Variants in PKN2 observed in about 807,000 individuals in gnomAD.
PKN2 encodes serine/threonine-protein kinase N2.
In PKN2, 38 loss-of-function variants were observed where a neutral mutation model predicts 119.1. The ratio of observed to expected loss-of-function variants is 0.32; its 90% CI spans 0.25 to 0.42. The LOEUF is 0.42. Among genes scored for constraint, PKN2 ranks in the 10% least tolerant of loss-of-function variants. The pLI is 1.00. For missense variants in PKN2, 850 were observed against 1,165.1 expected (o/e 0.73, Z 3.94); for synonymous variants, 390 against 384.9 (o/e 1.01, Z -0.15).
At chr1:88,702,448 C>T (rs1398874075) in intron 1 of PKN2, among the ~76,000 whole-genome samples, 1 of 152,086 alleles carries the variant, frequency 6.6e-6, no homozygotes, top group East Asian at 1.9e-4. Flanking sequence ...CATACTTTGA[C>T]AGGCAAATTA....
At position 88,750,871 on chromosome 1, in the gene PKN2, A is replaced by G. The variant is rs200823917; in HGVS notation, c.350-9351A>G. 4.6e-5 allele frequency among the ~76,000 whole-genome samples: 7 copies of G among 152,204 alleles called. No homozygotes were observed. In the East Asian group the frequency reaches 1.2e-3, roughly 25 times the overall value. On this transcript the variant is annotated intron_variant, in intron 2 of 21. Transcript: ENST00000370521. ...CTCTGATAATAGGTCTCAAATCTGTATCTCTTCTTCATCTTTATTGCCACA... is the reference window on the plus strand; with the variant it reads ...CTCTGATAATAGGTCTCAAATCTGTGTCTCTTCTTCATCTTTATTGCCACA...
chr1:88,698,720 C>G (rs1666641939), intron 1 of PKN2, among the ~76,000 whole-genome samples: 1 of 152,022 alleles, frequency 6.6e-6, no homozygotes. Flanking sequence ...GTCACATTGC[C>G]CTTTATTATT....
Position 88,804,929 on chromosome 1 carries a change from C to A in PKN2, c.1501+8C>A, listed in dbSNP as rs772553428. ...TTTTTTCAAAGCAACAAGGTAATTA[C>A]TAACAATCAAATGCATAGCATTTTG... On this transcript the variant is annotated splice_region_variant and intron_variant, in intron 10 of 21. Transcript: ENST00000370521. 1.4e-5 allele frequency: 18 copies of A among 1,326,804 alleles called. No individual in the cohort carries two copies. The highest frequency in any genetic ancestry group is 1.8e-5 in the Non-Finnish European group (17 of 932,486). 82.2% of individuals were successfully genotyped at this position (1,326,804 alleles called of 1,614,324 possible). A position where few individuals can be genotyped will look rare whatever the true frequency, so the allele number is the denominator to read the frequency against.
In PKN2 at chr1:88,729,899, C is replaced by G. The variant is rs74728111; in HGVS notation, c.49-11089C>G. The stretch of plus-strand genomic sequence containing the variant: ...CCCTGCCCTGAGTTTCCATTTCATT[C>G]AAAGTAAAAACCAAAGTCTTCTTTG... On this transcript the variant is annotated intron_variant, in intron 1 of 21. Transcript: ENST00000370521. 1.3e-3 allele frequency among the ~76,000 whole-genome samples: 202 copies of G among 152,186 alleles called. 1 individual carries two copies. Among genetic ancestry groups the G allele is most frequent in the African/African-American group, 4.6e-3 (190 of 41,506 alleles).
chr1:88,770,771 G>C (rs1442881441), intron 4 of PKN2, among the ~76,000 whole-genome samples: 3 of 151,178 alleles, frequency 2.0e-5, no homozygotes, highest in South Asian at 2.1e-4. Flanking sequence ...ATTTTTAGTA[G>C]AGACGGGGTT....
chr1:88,770,517 T>G (rs373155153), intron 4 of PKN2, 48 bp downstream of exon 4: 19 of 976,516 alleles, frequency 1.9e-5, no homozygotes, highest in African/African-American at 3.2e-5. Context: ...TGGTGCTAAA[T>G]AATCTTATGC....
chr1:88,825,956 ACT>A (rs1197168908), intron 18 of PKN2, among the ~76,000 whole-genome samples: 6 of 151,806 alleles, frequency 4.0e-5, no homozygotes, highest in African/African-American at 1.5e-4. Context: ...ACCCATCCCA[ACT>A]CTATTTGCTG....
intron 18 of PKN2, among the ~76,000 whole-genome samples, chr1:88,825,019 C>T (rs1487025741): frequency 1.3e-5 from 2 of 152,230 alleles, no homozygotes; most frequent in East Asian, 3.8e-4. Flanking sequence ...TAGTTACTAA[C>T]ATTCTCTATC....
chr1:88,789,366 G>C (rs1243006645), intron 8 of PKN2, among the ~76,000 whole-genome samples: 2 of 152,060 alleles, frequency 1.3e-5, no homozygotes, highest in Non-Finnish European at 2.9e-5. Context: ...CAAGTCACAA[G>C]ATTATAAGAA....
At chr1:88,786,020 C>CT in intron 7 of PKN2, 84 bp from the exon 8 acceptor site, 1 of 772,036 alleles carries the variant, frequency 1.3e-6, no homozygotes, top group Non-Finnish European at 2.2e-6. Flanking sequence ...GGTCTTAAGA[C>CT]TTTTATTGCT....
intron 2 of PKN2, among the ~76,000 whole-genome samples, chr1:88,743,414 C>G (rs1229592009): frequency 2.0e-5 from 3 of 152,164 alleles, no homozygotes; most frequent in African/African-American, 7.2e-5. Flanking sequence ...TCTTCTATCA[C>G]TTTAGATTGA....
intron 18 of PKN2, among the ~76,000 whole-genome samples, chr1:88,827,069 A>G (rs1399249761): frequency 6.6e-6 from 1 of 152,126 alleles, no homozygotes; most frequent in Admixed American, 6.5e-5. Flanking sequence ...TATAGTCACT[A>G]TATATGCATA....
intron 8 of PKN2, among the ~76,000 whole-genome samples, chr1:88,800,104 C>A (rs1030049694): frequency 2.0e-5 from 3 of 152,030 alleles, no homozygotes; most frequent in African/African-American, 7.3e-5. Flanking sequence ...TCTTCTTTTG[C>A]CCTTTTCATT....
chr1:88,782,025 A>G (rs769009579), intron 6 of PKN2, among the ~76,000 whole-genome samples: 5 of 152,184 alleles, frequency 3.3e-5, no homozygotes, highest in Non-Finnish European at 7.4e-5. Flanking sequence ...AAACATACAC[A>G]GTATGATTTT....
intron 2 of PKN2, among the ~76,000 whole-genome samples, chr1:88,751,196 G>A (rs1391473712): frequency 1.3e-5 from 2 of 151,924 alleles, no homozygotes; most frequent in African/African-American, 2.4e-5. Flanking sequence ...GCACGTGTGT[G>A]TGTGTAGATT....
At chr1:88,827,898 G>GT (rs1163848225) in intron 18 of PKN2, among the ~76,000 whole-genome samples, 28 of 150,530 alleles carry the variant, frequency 1.9e-4, no homozygotes, top group Non-Finnish European at 1.6e-4. Context: ...TTTTGTTTTT[G>GT]TTTTTTTTGT....
intron 17 of PKN2, among the ~76,000 whole-genome samples, 187 bp downstream of exon 17, chr1:88,822,190 CTAATCCA>C (rs1672321655): frequency 6.6e-6 from 1 of 152,082 alleles, no homozygotes; most frequent in African/African-American, 2.4e-5. Flanking sequence ...TTTTTGTTTC[CTAATCCA>C]TAGCACATTT....
intron 1 of PKN2, among the ~76,000 whole-genome samples, chr1:88,721,967 A>G (rs956258563): frequency 1.3e-5 from 2 of 152,202 alleles, no homozygotes; most frequent in Admixed American, 6.5e-5. Flanking sequence ...CTGCATCCCT[A>G]TTCCTCATCC....
intron 2 of PKN2, among the ~76,000 whole-genome samples, chr1:88,752,186 T>G (rs116560243): frequency 2.8e-4 from 43 of 152,292 alleles, no homozygotes; most frequent in Admixed American, 5.9e-4. Context: ...TCTTCAAATC[T>G]ATCTCCATTT....
Sources: gnomAD v4.1 joint callset for allele counts (sites outside exome capture counted in the v4.1 genomes callset) on GRCh38, gnomAD v4.1.1 for gene constraint, MANE v1.5 for transcripts, NCBI Gene and HGNC (gene_info 2026-07-23, HGNC 2026-07-21) for gene names.